Variants in PELI2 observed in about 807,000 individuals in gnomAD.
The protein encoded by PELI2 is E3 ubiquitin-protein ligase pellino homolog 2.
Under a neutral mutation model 42.3 loss-of-function variants are expected in PELI2, and 23 were observed. The ratio of observed to expected loss-of-function variants is 0.54; its 90% CI spans 0.39 to 0.77. The LOEUF is 0.77. Ranked by LOEUF, PELI2 falls within the 30% of genes least tolerant of loss-of-function variation. PELI2 has a pLI of 0.00. For synonymous variants in PELI2, 245 were observed against 212.2 expected (o/e 1.15, Z -1.34); for missense variants, 463 against 553.2 (o/e 0.84, Z 1.64).
Position 56,288,793 on chromosome 14 carries a change from A to C in PELI2, c.507+159A>C, listed in dbSNP as rs193047567. On this transcript the variant is annotated intron_variant, in intron 4 of 5. Transcript: ENST00000267460. The surrounding 1 kb of genome is among the most constrained non-coding windows in gnomAD (Gnocchi z 4.6). Reference sequence around the variant, plus strand: ...GGCCAGTTTGAGAAACTTGTTATTAAAAATCTGAACATTAATAAGCATTGC... The same window carrying C: ...GGCCAGTTTGAGAAACTTGTTATTACAAATCTGAACATTAATAAGCATTGC... 6.6e-6 allele frequency among the ~76,000 whole-genome samples: 1 copy of C among 152,320 alleles called. No individual in the cohort carries two copies. The highest frequency in any genetic ancestry group is 1.9e-4 in the East Asian group (1 of 5,188).
At chr14:56,175,520 A>G (rs1311938670) in intron 1 of PELI2, among the ~76,000 whole-genome samples, 2 of 152,242 alleles carry the variant, frequency 1.3e-5, no homozygotes, top group African/African-American at 4.8e-5. Context: ...ATGACCATGT[A>G]GCTTAACCTA....
chr14:56,125,259 C>G (rs192015556), intron 1 of PELI2, among the ~76,000 whole-genome samples: 2 of 152,262 alleles, frequency 1.3e-5, no homozygotes, highest in East Asian at 3.9e-4. Context: ...TGGGCTACAC[C>G]AGCAAACAAG....
intron 2 of PELI2, among the ~76,000 whole-genome samples, chr14:56,269,977 G>C (rs1889039961): frequency 6.6e-6 from 1 of 152,180 alleles, no homozygotes; most frequent in Non-Finnish European, 1.5e-5. Context: ...CTTTGTACTT[G>C]AGCGTGACCC....
At chr14:56,215,375 C>A (rs540163219) in intron 2 of PELI2, among the ~76,000 whole-genome samples, 2 of 152,064 alleles carry the variant, frequency 1.3e-5, no homozygotes, top group East Asian at 3.9e-4. Flanking sequence ...GAAAGCCCGC[C>A]GGGGGAGCAT....
chr14:56,194,799 G>A (rs953627274), intron 2 of PELI2, among the ~76,000 whole-genome samples: 1 of 151,926 alleles, frequency 6.6e-6, no homozygotes, highest in African/African-American at 2.4e-5. Context: ...TACCCTTCTA[G>A]CCTCCTTTCC....
intron 2 of PELI2, among the ~76,000 whole-genome samples, chr14:56,220,949 G>A (rs922165093): frequency 1.3e-5 from 2 of 152,126 alleles, no homozygotes; most frequent in African/African-American, 4.8e-5. Flanking sequence ...TGTCCTTTCA[G>A]CAGTGCTGTG....
intron 1 of PELI2, among the ~76,000 whole-genome samples, chr14:56,170,842 A>C (rs1049400886): frequency 6.6e-6 from 1 of 152,218 alleles, no homozygotes; most frequent in Non-Finnish European, 1.5e-5. Flanking sequence ...ATATATGAAG[A>C]GTTAAATTTT....
At chr14:56,136,114 T>G (rs987097587) in intron 1 of PELI2, among the ~76,000 whole-genome samples, 4 of 152,202 alleles carry the variant, frequency 2.6e-5, no homozygotes, top group African/African-American at 9.7e-5. Context: ...ATAGATAAAA[T>G]TAAAACTTAA....
intron 3 of PELI2, among the ~76,000 whole-genome samples, chr14:56,280,402 C>G (rs532849210): frequency 6.6e-6 from 1 of 151,758 alleles, no homozygotes; most frequent in Non-Finnish European, 1.5e-5. Flanking sequence ...AAAAAACATT[C>G]GTCAGTTAAT....
intron 1 of PELI2, among the ~76,000 whole-genome samples, chr14:56,119,425 G>T (rs1242541021): frequency 6.6e-6 from 1 of 152,118 alleles, no homozygotes; most frequent in Admixed American, 6.5e-5. Flanking sequence ...GCTGCTCGGG[G>T]CCTGGCACCG....
At position 56,278,702 on chromosome 14, in the gene PELI2, T is replaced by C. The variant is rs1889378650; in HGVS notation, c.208-974T>C. ...AGGAATTACATTAGTCAAATATAAA[T>C]GTTTAGTACATTTTCATTAACATGC... On this transcript the variant is annotated intron_variant, in intron 2 of 5. Transcript: ENST00000267460. Among the ~76,000 whole-genome samples, 3 of 152,348 alleles carry C rather than the reference T, an allele frequency of 2.0e-5. 1 individual carries two copies. Among genetic ancestry groups the C allele is most frequent in the South Asian group, 4.1e-4 (2 of 4,828 alleles).
intron 2 of PELI2, among the ~76,000 whole-genome samples, chr14:56,238,522 A>G (rs1481094320): frequency 6.6e-6 from 1 of 152,102 alleles, no homozygotes; most frequent in Non-Finnish European, 1.5e-5. Context: ...CCATCTCTCT[A>G]ATGATTTTGC....
At chr14:56,293,830 G>T (rs1274496613) in intron 5 of PELI2, among the ~76,000 whole-genome samples, 1 of 152,192 alleles carries the variant, frequency 6.6e-6, no homozygotes, top group African/African-American at 2.4e-5. Flanking sequence ...AGACTTTGTT[G>T]TTTACCAAGA....
At chr14:56,256,953 G>A (rs1015498055) in intron 2 of PELI2, among the ~76,000 whole-genome samples, 8 of 151,976 alleles carry the variant, frequency 5.3e-5, no homozygotes, top group Non-Finnish European at 7.4e-5. Context: ...CTGCCTTATC[G>A]CATATTATTT....
intron 1 of PELI2, chr14:56,119,804 C>G: frequency 8.1e-6 from 8 of 984,898 alleles, no homozygotes; most frequent in South Asian, 4.7e-5. Flanking sequence ...TCTGGGAACC[C>G]GCGCTTTTGT....
intron 1 of PELI2, among the ~76,000 whole-genome samples, chr14:56,174,228 A>G (rs142906217): frequency 2.0e-5 from 3 of 152,278 alleles, no homozygotes; most frequent in Non-Finnish European, 2.9e-5. Context: ...TAAGGCCACC[A>G]TTCAATCCAC....
intron 1 of PELI2, among the ~76,000 whole-genome samples, chr14:56,124,154 A>G (rs1192156273): frequency 6.6e-6 from 1 of 152,250 alleles, no homozygotes; most frequent in Non-Finnish European, 1.5e-5. Flanking sequence ...AAATAAAATA[A>G]TAAGAGCAGA....
intron 2 of PELI2, among the ~76,000 whole-genome samples, chr14:56,218,133 A>G (rs757456428): frequency 3.3e-5 from 5 of 152,228 alleles, no homozygotes; most frequent in Non-Finnish European, 7.3e-5. Context: ...TGGACTCCAT[A>G]GCCAGTGGTC....
Position 56,288,702 on chromosome 14 carries a change from TGGAGC to T in PELI2, c.507+69_507+73del. 2 of 1,188,894 alleles carry T rather than the reference TGGAGC, an allele frequency of 1.7e-6. No individual in the cohort carries two copies. Among genetic ancestry groups the T allele is most frequent in the Non-Finnish European group, 2.3e-6 (2 of 881,814 alleles). The allele number at this position is 1,188,894 out of a possible 1,614,324, so 73.6% of individuals were successfully genotyped here. ...GTGATTATGATATGGAACATTTAATTGGAGCAAAAAAAAATTGGCTTTGTATGTTG... is the reference window on the plus strand; with the variant it reads ...GTGATTATGATATGGAACATTTAATTAAAAAAAAATTGGCTTTGTATGTTG... On this transcript the variant is annotated intron_variant, in intron 4 of 5. Coordinates refer to ENST00000267460, the MANE Select transcript of PELI2 (RefSeq NM_021255.3). The surrounding 1 kb of genome is among the most constrained non-coding windows in gnomAD (Gnocchi z 4.6).
Sources: allele counts gnomAD v4.1 joint callset (sites outside exome capture counted in the v4.1 genomes callset), GRCh38; gene constraint gnomAD v4.1.1; non-coding constraint Gnocchi (gnomAD v3.1); transcripts MANE v1.5; gene names NCBI Gene and HGNC (gene_info 2026-07-23, HGNC 2026-07-21).